The following CAMTA1 variants were observed in gnomAD, a reference collection of about 807,000 sequenced individuals.
CAMTA1 encodes the protein calmodulin binding transcription activator 1.
CAMTA1 carries 27 observed loss-of-function variants against 170.9 expected under a neutral mutation model. That is an observed-to-expected ratio of 0.16 (90% CI 0.12 to 0.22). CAMTA1 has a LOEUF of 0.22. Ranked by LOEUF, CAMTA1 falls within the 10% of genes least tolerant of loss-of-function variation. The probability of loss-of-function intolerance (pLI) is 1.00; values close to 1 mark genes in which losing one functional copy is unlikely to be tolerated. For missense variants in CAMTA1, 1,619 were observed against 2,217.2 expected (o/e 0.73, Z 5.42); for synonymous variants, 833 against 891.5 (o/e 0.93, Z 1.17).
chr1:6,930,116 T>C (rs1684126204), intron 3 of CAMTA1, among the ~76,000 whole-genome samples: 1 of 152,184 alleles, frequency 6.6e-6, no homozygotes, highest in Admixed American at 6.5e-5. Context: ...TGCTCTTCCT[T>C]CTGCCTCCAG....
At chr1:7,390,879 C>T (rs2088627412) in intron 5 of CAMTA1, among the ~76,000 whole-genome samples, 1 of 152,250 alleles carries the variant, frequency 6.6e-6, no homozygotes, top group Non-Finnish European at 1.5e-5. Context: ...AGCCATTTCT[C>T]TCAAGATGGC....
chr1:7,533,231 G>C (rs542743396), intron 6 of CAMTA1, among the ~76,000 whole-genome samples: 1 of 152,300 alleles, frequency 6.6e-6, no homozygotes, highest in Admixed American at 6.5e-5. Flanking sequence ...CCAGGGGCAG[G>C]CCCTTCCCTG....
intron 11 of CAMTA1, among the ~76,000 whole-genome samples, chr1:7,728,967 G>C (rs999265787): frequency 1.3e-5 from 2 of 152,180 alleles, no homozygotes; most frequent in Non-Finnish European, 2.9e-5. Flanking sequence ...GAGACACTTA[G>C]TGGCAGGATC....
At chr1:7,267,521 T>C (rs1669111680) in intron 5 of CAMTA1, among the ~76,000 whole-genome samples, 1 of 152,160 alleles carries the variant, frequency 6.6e-6, no homozygotes, top group African/African-American at 2.4e-5. Context: ...AGCCAGAGGC[T>C]CCAGAGGCTC....
intron 4 of CAMTA1, among the ~76,000 whole-genome samples, chr1:7,133,393 T>C (rs1645371780): frequency 6.6e-6 from 1 of 152,228 alleles, no homozygotes; most frequent in South Asian, 2.1e-4. Context: ...CCTTATTACC[T>C]ACTTAATGTC....
chr1:6,902,084 T>TAAAAAAA (rs143405526), intron 3 of CAMTA1, among the ~76,000 whole-genome samples: 9,723 of 104,762 alleles, frequency 0.093, 502 homozygotes, highest in East Asian at 0.27. Flanking sequence ...AAAAAAAAAA[T>TAAAAAAA]AAAAATAAAA....
At position 6,888,232 on chromosome 1, in the gene CAMTA1, G is replaced by A. The variant is rs549487698; in HGVS notation, c.234+63022G>A. 3.9e-5 allele frequency: 38 copies of A among 986,070 alleles called. No homozygotes were observed. In the South Asian group the frequency reaches 1.6e-3, roughly 43 times the overall value. The allele number at this position is 986,070 out of a possible 1,614,324, so 61.1% of individuals were successfully genotyped here. A position where few individuals can be genotyped will look rare whatever the true frequency, so the allele number is the denominator to read the frequency against. ...GGGTCACTTGCGTCGCATCCTTTCTGAATGTTTTTCCTTTAACTTGCCATT... is the reference window on the plus strand; with the variant it reads ...GGGTCACTTGCGTCGCATCCTTTCTAAATGTTTTTCCTTTAACTTGCCATT... On this transcript the variant is annotated intron_variant, in intron 3 of 22. Transcript: ENST00000303635.
intron 4 of CAMTA1, among the ~76,000 whole-genome samples, chr1:7,109,641 C>T (rs374027822): frequency 2.0e-5 from 3 of 152,326 alleles, no homozygotes; most frequent in Non-Finnish European, 2.9e-5. Context: ...AATCCATCTG[C>T]CATCCCTGTG....
chr1:7,072,422 C>A (rs532733373), intron 3 of CAMTA1, among the ~76,000 whole-genome samples: 1 of 152,344 alleles, frequency 6.6e-6, no homozygotes, highest in African/African-American at 2.4e-5. Flanking sequence ...CTTGCTCATT[C>A]ATTCATTTAT....
chr1:7,269,323 G>C (rs1270021753), intron 5 of CAMTA1, among the ~76,000 whole-genome samples: 1 of 152,256 alleles, frequency 6.6e-6, no homozygotes, highest in Non-Finnish European at 1.5e-5. Flanking sequence ...TTGTTACCTT[G>C]CTATATGGAC....
chr1:7,493,429 GCA>G (rs2093769346), intron 6 of CAMTA1, among the ~76,000 whole-genome samples: 1 of 70,722 alleles, frequency 1.4e-5, no homozygotes, highest in Non-Finnish European at 2.5e-5. Flanking sequence ...ATACACACAT[GCA>G]CACACAAACA....
At chr1:7,207,342 T>G (rs1657921862) in intron 4 of CAMTA1, among the ~76,000 whole-genome samples, 2 of 152,232 alleles carry the variant, frequency 1.3e-5, no homozygotes, top group African/African-American at 4.8e-5. Flanking sequence ...AGGGCCAGGT[T>G]GCTGACACTG....
intron 3 of CAMTA1, among the ~76,000 whole-genome samples, chr1:7,053,025 C>T (rs1176281997): frequency 1.3e-5 from 2 of 152,232 alleles, no homozygotes; most frequent in South Asian, 2.1e-4. Context: ...CTCGCCCGGC[C>T]ACTCTGCTGA....
intron 5 of CAMTA1, among the ~76,000 whole-genome samples, chr1:7,436,259 G>A (rs928871145): frequency 4.6e-5 from 7 of 152,276 alleles, no homozygotes; most frequent in Admixed American, 2.6e-4. Flanking sequence ...GATGCCCTGC[G>A]TGCCGCAGGC....
intron 3 of CAMTA1, among the ~76,000 whole-genome samples, chr1:7,059,109 C>A (rs774467594): frequency 6.6e-6 from 1 of 152,202 alleles, no homozygotes; most frequent in Non-Finnish European, 1.5e-5. Context: ...TCCTTGGGAT[C>A]CCCCAGTGCC....
chr1:6,943,872 A>AG (rs34665156), intron 3 of CAMTA1, among the ~76,000 whole-genome samples: 74,192 of 140,246 alleles, frequency 0.53, 20,199 homozygotes, highest in Non-Finnish European at 0.6. Context: ...AAAAAAAGAA[A>AG]AAAATACACA....
At chr1:7,079,497 G>A (rs1024082741) in intron 3 of CAMTA1, among the ~76,000 whole-genome samples, 2 of 151,728 alleles carry the variant, frequency 1.3e-5, no homozygotes, top group East Asian at 3.9e-4. Context: ...TTTAAAGACA[G>A]AATCTCACTC....
chr1:7,313,868 C>T (rs547735218), intron 5 of CAMTA1, among the ~76,000 whole-genome samples: 4 of 152,204 alleles, frequency 2.6e-5, no homozygotes, highest in African/African-American at 7.2e-5. Context: ...CTGCAGCCAT[C>T]GGTCATCCTT....
At chr1:7,626,776 G>A (rs543929283) in intron 6 of CAMTA1, among the ~76,000 whole-genome samples, 1 of 152,248 alleles carries the variant, frequency 6.6e-6, no homozygotes, top group East Asian at 1.9e-4. Flanking sequence ...AGATGGAAGG[G>A]GGTTGATAAG....
Sources: gnomAD v4.1 joint callset for allele counts (sites outside exome capture counted in the v4.1 genomes callset) on GRCh38, gnomAD v4.1.1 for gene constraint, MANE v1.5 for transcripts, NCBI Gene and HGNC (gene_info 2026-07-23, HGNC 2026-07-21) for gene names.